CCDC80: variants seen among roughly 807,000 people sequenced by gnomAD.
The protein encoded by CCDC80 is coiled-coil domain-containing protein 80.
In CCDC80, 49 loss-of-function variants were observed where a neutral mutation model predicts 78.7. That is an observed-to-expected ratio of 0.62 (90% confidence interval 0.50 to 0.79). The LOEUF (loss-of-function observed/expected upper bound fraction) is 0.79. CCDC80 is among the 30% of genes least tolerant of loss of function. The probability of loss-of-function intolerance (pLI) is 0.00; values close to 1 mark genes in which losing one functional copy is unlikely to be tolerated. For synonymous variants in CCDC80, 488 were observed against 447.0 expected (o/e 1.09, Z -1.16); for missense variants, 1,205 against 1,198.6 (o/e 1.01, Z -0.08).
At chr3:112,613,128 A>T (rs1224877023) in intron 5 of CCDC80, among the ~76,000 whole-genome samples, 2 of 152,194 alleles carry the variant, frequency 1.3e-5, no homozygotes, top group Non-Finnish European at 2.9e-5. Context: ...GCAAATGAGA[A>T]AACTGAAGCC....
chr3:112,607,518 G>A (rs1935538336), intron 6 of CCDC80, among the ~76,000 whole-genome samples: 1 of 152,144 alleles, frequency 6.6e-6, no homozygotes, highest in Non-Finnish European at 1.5e-5. Flanking sequence ...TGGGCGCGGC[G>A]GCTCATGCCT....
chr3:112,630,137 T>C lies in CCDC80; in HGVS notation c.2011A>G (p.Met671Val), dbSNP rs1186937480. ...TIFGPVNNST[M>V]KIDHFQLDNE... ...CCTAGCTGAAAGTGGTCGATTTTCA[T>C]GGTGCTGTTGTTGACAGGGCCGAAG... Residue 671 changes from methionine (M) to valine (V), a missense_variant, in exon 3 of 8, where the codon ATG becomes GTG. Physicochemically the swap from Met to Val is conservative, Grantham distance 21 (BLOSUM62 1). Coordinates refer to ENST00000206423, the MANE Select transcript of CCDC80 (RefSeq NM_199511.3). 12 of 1,613,788 alleles carry C rather than the reference T, an allele frequency of 7.4e-6. No homozygotes were observed. The highest frequency in any genetic ancestry group is 2.7e-5 in the African/African-American group (2 of 74,918).
At chr3:112,626,413 G>A (rs1475985904) in intron 3 of CCDC80, among the ~76,000 whole-genome samples, 1 of 151,310 alleles carries the variant, frequency 6.6e-6, no homozygotes, top group Non-Finnish European at 1.5e-5. Flanking sequence ...AGGCAAAGCA[G>A]CATTTTTGAA....
chr3:112,608,973 G>C (rs1457288217), intron 6 of CCDC80, among the ~76,000 whole-genome samples: 1 of 152,108 alleles, frequency 6.6e-6, no homozygotes, highest in African/African-American at 2.4e-5. Flanking sequence ...AACAAATCAA[G>C]CACAGTTTTG....
chr3:112,616,180 G>A (rs1363842461), intron 5 of CCDC80, among the ~76,000 whole-genome samples: 1 of 152,152 alleles, frequency 6.6e-6, no homozygotes, highest in African/African-American at 2.4e-5. Flanking sequence ...AAACGACAGT[G>A]TCGAAAAATT....
chr3:112,633,221 C>A (rs1936133213), intron 2 of CCDC80, among the ~76,000 whole-genome samples: 1 of 152,140 alleles, frequency 6.6e-6, no homozygotes, highest in East Asian at 1.9e-4. Context: ...ATGTGTCCCC[C>A]AAGCACATAC....
At chr3:112,633,184 A>G (rs907277339) in intron 2 of CCDC80, among the ~76,000 whole-genome samples, 1 of 152,212 alleles carries the variant, frequency 6.6e-6, no homozygotes, top group Non-Finnish European at 1.5e-5. Context: ...AACTTATTAC[A>G]GATTGATTTA....
At chr3:112,630,650 A>T (rs1936079239) in intron 2 of CCDC80, among the ~76,000 whole-genome samples, 1 of 152,182 alleles carries the variant, frequency 6.6e-6, no homozygotes, top group Non-Finnish European at 1.5e-5. Context: ...GATCTTCATT[A>T]TTCTCACTGG....
At chr3:112,637,536 C>CAA (rs1936231493) in intron 2 of CCDC80, among the ~76,000 whole-genome samples, 1 of 152,214 alleles carries the variant, frequency 6.6e-6, no homozygotes, top group Non-Finnish European at 1.5e-5. Flanking sequence ...AAGAGGGGAC[C>CAA]TCTGCTATTG....
chr3:112,639,925 T>G lies in CCDC80; in HGVS notation c.-11-9A>C. 6.3e-7 allele frequency: 1 copy of G among 1,596,276 alleles called. No homozygotes were observed. Among genetic ancestry groups the G allele is most frequent in the Non-Finnish European group, 8.6e-7 (1 of 1,168,648 alleles). ...TGTCATTGTGTAATCCACTTTGCGA[T>G]GCACGGAGGTCATAAAACAAAGGGG... is the stretch of plus-strand genomic sequence containing the variant. On this transcript the variant is annotated splice_polypyrimidine_tract_variant and intron_variant, in intron 1 of 7. Coordinates refer to ENST00000206423, the MANE Select transcript of CCDC80 (RefSeq NM_199511.3).
At chr3:112,622,822 A>AT (rs373170477) in intron 3 of CCDC80, among the ~76,000 whole-genome samples, 1,745 of 118,632 alleles carry the variant, frequency 0.015, 14 homozygotes, top group African/African-American at 0.022. Context: ...TGCCCAGCTA[A>AT]TTTTTTTTTT....
intron 3 of CCDC80, among the ~76,000 whole-genome samples, chr3:112,621,603 CATT>C (rs1271202101): frequency 6.6e-6 from 1 of 152,166 alleles, no homozygotes; most frequent in Non-Finnish European, 1.5e-5. Flanking sequence ...TGAATATAGA[CATT>C]ATCTGGCTCC....
intron 4 of CCDC80, among the ~76,000 whole-genome samples, chr3:112,618,388 G>A (rs1050336861): frequency 7.2e-5 from 11 of 152,134 alleles, no homozygotes; most frequent in Non-Finnish European, 1.3e-4. Context: ...GCCGGGTGTG[G>A]TGGCGGGTGC....
In CCDC80 at chr3:112,624,306, G is replaced by T. The variant is rs186734055; in HGVS notation, c.2036-5202C>A. 2.6e-5 allele frequency among the ~76,000 whole-genome samples: 4 copies of T among 152,160 alleles called. No individual in the cohort carries two copies. The East Asian group carries it at 7.7e-4, about 29-fold the overall frequency. On this transcript the variant is annotated intron_variant, in intron 3 of 7. Transcript: ENST00000206423. Reference sequence around the variant, plus strand: ...ATTTGTAAGGCATTTAAAATATAACGATTCTTTTCAAGAAGTCAGTAGGGG... The same window carrying T: ...ATTTGTAAGGCATTTAAAATATAACTATTCTTTTCAAGAAGTCAGTAGGGG...
At chr3:112,625,085 C>T (rs950162921) in intron 3 of CCDC80, among the ~76,000 whole-genome samples, 3 of 151,910 alleles carry the variant, frequency 2.0e-5, no homozygotes, top group Admixed American at 6.6e-5. Context: ...AAGATGACAA[C>T]GCAATAGAAA....
intron 3 of CCDC80, among the ~76,000 whole-genome samples, chr3:112,624,442 G>A (rs545341561): frequency 2.7e-4 from 41 of 152,238 alleles, no homozygotes; most frequent in African/African-American, 9.6e-4. Context: ...GTCCATGGCA[G>A]GTTATTTCAG....
Position 112,597,251 on chromosome 3 carries a change from CCT to C in CCDC80, c.*8164_*8165del, listed in dbSNP as rs1935297607. ...ATAGTCTTCATATACCTTTACCACG[CCT>C]CCTTCCTCCAATTAGGAAGCTAAGT... is the stretch of plus-strand genomic sequence containing the variant. On this transcript the variant is annotated 3_prime_UTR_variant, in exon 8 of 8. Coordinates refer to ENST00000206423, the MANE Select transcript of CCDC80 (RefSeq NM_199511.3). The C allele has an allele frequency of 6.6e-6, 1 of 152,150 alleles. No individual in the cohort carries two copies. The allele number at this position is 152,150 out of a possible 1,614,324, so 9.4% of individuals were successfully genotyped here.
intron 3 of CCDC80, among the ~76,000 whole-genome samples, chr3:112,619,495 C>A (rs1465506982): frequency 6.6e-6 from 1 of 152,132 alleles, no homozygotes; most frequent in African/African-American, 2.4e-5. Context: ...GTTCTGTTTC[C>A]ATTAAACATA....
At chr3:112,627,902 G>T (rs1232521690) in intron 3 of CCDC80, among the ~76,000 whole-genome samples, 1 of 149,948 alleles carries the variant, frequency 6.7e-6, no homozygotes, top group Non-Finnish European at 1.5e-5. Context: ...CCCCTCTACA[G>T]TTCATATTCA....
Sources: gnomAD v4.1 joint callset for allele counts (sites outside exome capture counted in the v4.1 genomes callset) on GRCh38, gnomAD v4.1.1 for gene constraint, MANE v1.5 for transcripts, NCBI Gene and HGNC (gene_info 2026-07-23, HGNC 2026-07-21) for gene names.